The following MDGA2 variants were observed in gnomAD, a reference collection of about 807,000 sequenced individuals.
MDGA2 encodes the protein MAM domain containing glycosylphosphatidylinositol anchor 2.
MDGA2 carries 40 observed loss-of-function variants against 117.8 expected under a neutral mutation model. That is an observed-to-expected ratio of 0.34 (90% CI 0.26 to 0.44). MDGA2 has a LOEUF of 0.44. MDGA2 is among the 20% of genes least tolerant of loss of function. The pLI, the probability that MDGA2 is intolerant of heterozygous loss-of-function variation, is 1.00. For synonymous variants in MDGA2, 452 were observed against 439.0 expected, an observed-to-expected ratio of 1.03 and a Z score of -0.37; for missense variants, 1,123 against 1,250.6, an observed-to-expected ratio of 0.90 and a Z score of 1.54.
At chr14:46,992,664 T>TA (rs1203105355) in intron 8 of MDGA2, among the ~76,000 whole-genome samples, 3 of 152,190 alleles carry the variant, frequency 2.0e-5, no homozygotes, top group Admixed American at 2.0e-4. Flanking sequence ...TACTTCATAG[T>TA]AATTTGATAG....
chr14:46,877,493 A>C lies in MDGA2; in HGVS notation c.2433T>G (p.His811Gln). The C allele has an allele frequency of 6.7e-7, 1 of 1,502,604 alleles. No individual in the cohort carries two copies. Among genetic ancestry groups the C allele is most frequent in the Non-Finnish European group, 9.1e-7 (1 of 1,097,634 alleles). The allele number at this position is 1,502,604 out of a possible 1,614,324, so 93.1% of individuals were successfully genotyped here. Residue 811 changes from histidine to glutamine, a missense_variant, in exon 12 of 17, where the codon CAT becomes CAG. Physicochemically the swap from His to Gln is conservative, Grantham distance 24. Coordinates refer to ENST00000399232, the MANE Select transcript of MDGA2 (RefSeq NM_001113498.3). Reference sequence around the variant, plus strand: ...TGTAAGTTAAAATATACTTACTCAAATGAGGATTTACAGGAGCTACAAGAA... The same window carrying C: ...TGTAAGTTAAAATATACTTACTCAACTGAGGATTTACAGGAGCTACAAGAA... Reference protein sequence around the residue: ...VIKYSAPVNPHLREFHCGFED... With the variant: ...VIKYSAPVNPQLREFHCGFED...
chr14:47,236,346 AG>A (rs1886864306), intron 2 of MDGA2, among the ~76,000 whole-genome samples: 1 of 151,770 alleles, frequency 6.6e-6, no homozygotes, highest in South Asian at 2.1e-4. Context: ...TGTTATTACA[AG>A]ATACTTTTCC....
At chr14:47,219,259 G>A (rs17118191) in intron 2 of MDGA2, among the ~76,000 whole-genome samples, 9,473 of 151,934 alleles carry the variant, frequency 0.062, 346 homozygotes, top group Non-Finnish European at 0.063. Context: ...TAAAATGTAT[G>A]AGCTAATGGC....
intron 14 of MDGA2, among the ~76,000 whole-genome samples, chr14:46,863,136 T>C (rs746275896): frequency 1.3e-5 from 2 of 152,008 alleles, no homozygotes; most frequent in Non-Finnish European, 2.9e-5. Context: ...GCTTTGTCCA[T>C]TTCTCATATT....
Position 47,606,920 on chromosome 14 carries a change from A to G in MDGA2, c.280+67597T>C, listed in dbSNP as rs148171249. Among the ~76,000 whole-genome samples the G allele has an allele frequency of 3.3e-3, 506 of 152,270 alleles. 3 individuals carry two copies. Among genetic ancestry groups the G allele is most frequent in the African/African-American group, 0.012 (489 of 41,560 alleles). ...ATACAAAAAATGTCCTGTATAGGTA[A>G]AAGTTACAACATTAGGATGCCTGAA... On this transcript the variant is annotated intron_variant, in intron 1 of 16. Transcript: ENST00000399232.
intron 6 of MDGA2, among the ~76,000 whole-genome samples, chr14:47,078,726 T>A (rs1374101065): frequency 6.6e-6 from 1 of 152,062 alleles, no homozygotes; most frequent in Non-Finnish European, 1.5e-5. Context: ...ATATATAACA[T>A]CTCCATTTCT....
chr14:47,231,556 T>C (rs925042420), intron 2 of MDGA2, among the ~76,000 whole-genome samples: 6 of 152,020 alleles, frequency 3.9e-5, no homozygotes, highest in African/African-American at 1.4e-4. Flanking sequence ...TGAGCACACA[T>C]TATTAAATTT....
At chr14:46,969,670 A>T (rs1184992743) in intron 8 of MDGA2, among the ~76,000 whole-genome samples, 1 of 150,052 alleles carries the variant, frequency 6.7e-6, no homozygotes, top group East Asian at 2.0e-4. Flanking sequence ...AGATAAGTAG[A>T]TCGCAAAAAT....
chr14:47,652,675 G>C (rs1458915284), intron 1 of MDGA2, among the ~76,000 whole-genome samples: 1 of 152,010 alleles, frequency 6.6e-6, no homozygotes, highest in Admixed American at 6.6e-5. Context: ...CAGCAAACCA[G>C]GCAAGTGGAT....
chr14:47,572,293 C>T (rs907335099), intron 1 of MDGA2, among the ~76,000 whole-genome samples: 2 of 152,264 alleles, frequency 1.3e-5, no homozygotes, highest in South Asian at 2.1e-4. Flanking sequence ...ATAAAAGCCG[C>T]TTGTATATTT....
At chr14:47,645,990 G>A (rs1472939719) in intron 1 of MDGA2, among the ~76,000 whole-genome samples, 1 of 150,340 alleles carries the variant, frequency 6.7e-6, no homozygotes, top group African/African-American at 2.4e-5. Context: ...TGAGGCAGGA[G>A]AATGGCATGA....
intron 1 of MDGA2, among the ~76,000 whole-genome samples, chr14:47,542,456 A>T (rs1200902778): frequency 6.6e-6 from 1 of 152,234 alleles, no homozygotes; most frequent in African/African-American, 2.4e-5. Context: ...TCTGAGAAGC[A>T]ATTCGATGAA....
rs190573355 is a variant in MDGA2, at chr14:46,969,066, A to C, written c.1820-11423T>G. Among the ~76,000 whole-genome samples the C allele has an allele frequency of 1.6e-3, 240 of 152,302 alleles. 2 individuals carry two copies. The highest frequency in any genetic ancestry group is 5.6e-3 in the African/African-American group (231 of 41,568). On this transcript the variant is annotated intron_variant, in intron 8 of 16. Coordinates refer to ENST00000399232, the MANE Select transcript of MDGA2 (RefSeq NM_001113498.3). Reference sequence around the variant, plus strand: ...TTTCCAGTTTCATCCATGTCCCTACAAAGGACATGAACTCATTATTTTTTA... The same window carrying C: ...TTTCCAGTTTCATCCATGTCCCTACCAAGGACATGAACTCATTATTTTTTA...
At chr14:47,343,372 T>C in intron 1 of MDGA2, 1 of 562,746 alleles carries the variant, frequency 1.8e-6, no homozygotes, top group Non-Finnish European at 2.3e-6. Context: ...GAAAGTGGTG[T>C]GAAAAGCCTA....
At chr14:47,588,229 G>GATATATATATATATAT (rs1243073183) in intron 1 of MDGA2, among the ~76,000 whole-genome samples, 9 of 101,842 alleles carry the variant, frequency 8.8e-5, no homozygotes, top group Non-Finnish European at 1.2e-4. Flanking sequence ...ATCTCTTGGA[G>GATATATATATATATAT]ATAGATAGAT....
rs910332708 is a variant in MDGA2, at chr14:46,840,479, C to T, written c.*1452G>A. ...CTGGCTGGTTAAAGATATGATTTGT[C>T]GTCAGGTAGCTCAAAATTATTTTTA... On this transcript the variant is annotated 3_prime_UTR_variant, in exon 17 of 17. Coordinates refer to ENST00000399232, the MANE Select transcript of MDGA2 (RefSeq NM_001113498.3). 1 of 152,394 alleles carries T rather than the reference C, an allele frequency of 6.6e-6. No individual in the cohort carries two copies. Among genetic ancestry groups the T allele is most frequent in the African/African-American group, 2.4e-5 (1 of 41,376 alleles). 9.4% of individuals were successfully genotyped at this position (152,394 alleles called of 1,614,324 possible).
At chr14:47,338,970 C>T (rs1231889697) in intron 1 of MDGA2, among the ~76,000 whole-genome samples, 1 of 152,086 alleles carries the variant, frequency 6.6e-6, no homozygotes, top group Non-Finnish European at 1.5e-5. Context: ...TTAGCCATTA[C>T]CTTCATCAGG....
chr14:46,954,879 T>A (rs1885505015), intron 9 of MDGA2, among the ~76,000 whole-genome samples: 2 of 152,110 alleles, frequency 1.3e-5, no homozygotes. Context: ...TTTTCTCATT[T>A]AAAAATTATT....
Position 46,911,290 on chromosome 14 carries a change from T to C in MDGA2, c.2238+8722A>G, listed in dbSNP as rs969450432. 2.0e-5 allele frequency among the ~76,000 whole-genome samples: 3 copies of C among 152,194 alleles called. No homozygotes were observed. The East Asian group carries it at 5.8e-4, about 29-fold the overall frequency. ...TAAAGCAATTTAAACATCAATGATA[T>C]TTTGCATTTCTTTCTTGAACATTTT... On this transcript the variant is annotated intron_variant, in intron 10 of 16. Transcript: ENST00000399232.
Sources: allele counts gnomAD v4.1 joint callset (sites outside exome capture counted in the v4.1 genomes callset), GRCh38; gene constraint gnomAD v4.1.1; transcripts MANE v1.5; gene names NCBI Gene and HGNC (gene_info 2026-07-23, HGNC 2026-07-21).